The following BIRC6 variants were observed in gnomAD, a reference collection of about 807,000 sequenced individuals.
The protein encoded by BIRC6 is dual E2 ubiquitin-conjugating enzyme/E3 ubiquitin-protein ligase BIRC6.
A neutral mutation model predicts 503.3 loss-of-function variants in BIRC6; 98 were observed. The observed-to-expected ratio is 0.19, with a 90% CI of 0.17 to 0.23. BIRC6 has a LOEUF of 0.23. Ranked by LOEUF, BIRC6 falls within the 10% of genes least tolerant of loss-of-function variation. The pLI is 1.00. For missense variants in BIRC6, 5,360 were observed against 5,806.0 expected, an observed-to-expected ratio of 0.92 and a Z score of 2.50; for synonymous variants, 2,240 against 2,078.7, an observed-to-expected ratio of 1.08 and a Z score of -2.11.
intron 61 of BIRC6, among the ~76,000 whole-genome samples, chr2:32,536,132 C>T (rs1176720302): frequency 2.2e-4 from 34 of 152,094 alleles, no homozygotes; most frequent in East Asian, 1.2e-3. Flanking sequence ...TCATATCCTT[C>T]GCCCACTTTT....
In BIRC6 at chr2:32,576,814, G is replaced by A. The variant is rs151192893; in HGVS notation, c.13355+1448G>A. ...TTTGATTACATGGGTGAATTATATG[G>A]TGGTGATGGCTCATTGCCAGGCAGT... On this transcript the variant is annotated intron_variant, in intron 66 of 73. Transcript: ENST00000421745. 9.0e-4 allele frequency among the ~76,000 whole-genome samples: 137 copies of A among 152,272 alleles called. 1 individual carries two copies. The highest frequency in any genetic ancestry group is 3.2e-3 in the African/African-American group (132 of 41,562).
At chr2:32,540,626 C>A (rs1253226235) in intron 61 of BIRC6, among the ~76,000 whole-genome samples, 1 of 151,954 alleles carries the variant, frequency 6.6e-6, no homozygotes, top group African/African-American at 2.4e-5. Flanking sequence ...TATTAATACC[C>A]TAAAACAGTT....
intron 70 of BIRC6, among the ~76,000 whole-genome samples, chr2:32,600,753 A>G (rs573313724): frequency 6.6e-6 from 1 of 152,212 alleles, no homozygotes; most frequent in Admixed American, 6.5e-5. Context: ...CATCATACTT[A>G]CCGATGTGTT....
chr2:32,444,688 AAAC>A (rs950663211), intron 20 of BIRC6, among the ~76,000 whole-genome samples: 1 of 152,204 alleles, frequency 6.6e-6, no homozygotes, highest in African/African-American at 2.4e-5. Flanking sequence ...GAGTTTAAAA[AAAC>A]AACCCATTCA....
At chr2:32,569,568 TA>T (rs2059781940) in intron 65 of BIRC6, among the ~76,000 whole-genome samples, 1 of 151,932 alleles carries the variant, frequency 6.6e-6, no homozygotes, top group Non-Finnish European at 1.5e-5. Flanking sequence ...GATAAGGTCT[TA>T]CTATGTTGTT....
intron 66 of BIRC6, among the ~76,000 whole-genome samples, chr2:32,586,279 A>G (rs1051941290): frequency 3.0e-4 from 46 of 151,844 alleles, no homozygotes; most frequent in African/African-American, 1.0e-3. Flanking sequence ...AAAAAAAATT[A>G]TAAATTGACT....
intron 1 of BIRC6, among the ~76,000 whole-genome samples, chr2:32,358,395 C>G (rs1430860721): frequency 6.6e-6 from 1 of 152,112 alleles, no homozygotes; most frequent in Non-Finnish European, 1.5e-5. Flanking sequence ...GGTGTATGCT[C>G]AGTGGACGGA....
intron 3 of BIRC6, among the ~76,000 whole-genome samples, chr2:32,384,850 T>C (rs1183324615): frequency 2.6e-5 from 4 of 152,222 alleles, no homozygotes; most frequent in Non-Finnish European, 5.9e-5. Context: ...GTATAACTTC[T>C]CCCATTTCTT....
At position 32,571,378 on chromosome 2, in the gene BIRC6, CTTTTTTTT is replaced by C. The variant is rs61599835; in HGVS notation, c.13145-3761_13145-3754del. 6.4e-4 allele frequency among the ~76,000 whole-genome samples: 13 copies of C among 20,310 alleles called. 1 individual carries two copies. The highest frequency in any genetic ancestry group is 6.5e-3 in the South Asian group (2 of 308). 13.3% of individuals were successfully genotyped at this position (20,310 alleles called of 152,430 possible). A position where few individuals can be genotyped will look rare whatever the true frequency, so the allele number is the denominator to read the frequency against. On this transcript the variant is annotated intron_variant, in intron 65 of 73. Coordinates refer to ENST00000421745, the MANE Select transcript of BIRC6 (RefSeq NM_016252.4). ...GGCTGTGAATTCATGTGGTCCTGGGCTTTTTTTTTTTTTTTTTTTTTTTTGTTGGGAGA... is the reference window on the plus strand; with the variant it reads ...GGCTGTGAATTCATGTGGTCCTGGGCTTTTTTTTTTTTTTTTGTTGGGAGA...
At chr2:32,552,405 A>G (rs1330594965) in intron 65 of BIRC6, among the ~76,000 whole-genome samples, 4 of 152,220 alleles carry the variant, frequency 2.6e-5, no homozygotes, top group Admixed American at 6.5e-5. Flanking sequence ...AACATATTAA[A>G]TGATAATACT....
chr2:32,447,510 G>A (rs1236808856), intron 21 of BIRC6, among the ~76,000 whole-genome samples: 11 of 134,056 alleles, frequency 8.2e-5, no homozygotes, highest in African/African-American at 3.2e-4. Context: ...CGGACGGGGC[G>A]GCTGGCCGGG....
rs768076915 is a variant in BIRC6, at chr2:32,406,694, A to G, written c.1477+137A>G. 30 of 560,768 alleles carry G rather than the reference A, an allele frequency of 5.3e-5. 1 individual carries two copies. Among genetic ancestry groups the G allele is most frequent in the Non-Finnish European group, 2.2e-5 (7 of 317,638 alleles). The allele number at this position is 560,768 out of a possible 1,614,324, so 34.7% of individuals were successfully genotyped here. On this transcript the variant is annotated intron_variant, in intron 9 of 73. Coordinates refer to ENST00000421745, the MANE Select transcript of BIRC6 (RefSeq NM_016252.4). ...GCTAGTATACACAGAAGACTGAAAT[A>G]TTGTGTGTCAGAGATCTCAAATTAG...
At chr2:32,489,859 C>T (rs2051476711) in intron 42 of BIRC6, among the ~76,000 whole-genome samples, 182 bp from the exon 43 acceptor site, 2 of 152,250 alleles carry the variant, frequency 1.3e-5, no homozygotes, top group Admixed American at 1.3e-4. Flanking sequence ...TAAAATGTTA[C>T]TGATTCTTAA....
intron 46 of BIRC6, 50 bp from the exon 47 acceptor site, chr2:32,501,663 G>A (rs1310648184): frequency 3.4e-6 from 5 of 1,492,282 alleles, no homozygotes; most frequent in African/African-American, 1.4e-5. Flanking sequence ...GAGCCACTGC[G>A]CCTGGCTGGA....
intron 65 of BIRC6, chr2:32,563,936 A>C (rs775694962): frequency 2.0e-5 from 3 of 152,058 alleles, no homozygotes; most frequent in Non-Finnish European, 2.9e-5. Context: ...AAATGAGCCG[A>C]GTGTGGTGGT....
chr2:32,484,820 G>C (rs1484935603), intron 39 of BIRC6, among the ~76,000 whole-genome samples: 1 of 152,144 alleles, frequency 6.6e-6, no homozygotes, highest in East Asian at 1.9e-4. Flanking sequence ...ACAGCATGCT[G>C]TACCACACCT....
rs1166383796 is a variant in BIRC6, at chr2:32,511,476, AT to A, written c.10346+869del. On this transcript the variant is annotated intron_variant, in intron 53 of 73. Transcript: ENST00000421745. ...AGGCGACCACCACTATAACTGACTAATTTTTTTTTTTTTTTTTTTTTTTTTT... is the reference window on the plus strand; with the variant it reads ...AGGCGACCACCACTATAACTGACTAATTTTTTTTTTTTTTTTTTTTTTTTT... Among the ~76,000 whole-genome samples the A allele has an allele frequency of 6.6e-3, 527 of 80,130 alleles. 3 individuals are homozygous for A. Among genetic ancestry groups the A allele is most frequent in the Middle Eastern group, 7.9e-3 (1 of 126 alleles). The allele number at this position is 80,130 out of a possible 152,430, so 52.6% of individuals were successfully genotyped here. A position where few individuals can be genotyped will look rare whatever the true frequency, so the allele number is the denominator to read the frequency against.
At chr2:32,567,824 G>A (rs527676259) in intron 65 of BIRC6, among the ~76,000 whole-genome samples, 8 of 152,244 alleles carry the variant, frequency 5.3e-5, no homozygotes, top group Admixed American at 3.3e-4. Flanking sequence ...GAAGGAGGCC[G>A]GGTGTGGTGG....
chr2:32,404,608 C>G (rs1405930883), intron 8 of BIRC6, among the ~76,000 whole-genome samples: 1 of 152,106 alleles, frequency 6.6e-6, no homozygotes, highest in Non-Finnish European at 1.5e-5. Context: ...GCCACTGCAT[C>G]TGGCCTTAGC....
Sources: gnomAD v4.1 joint callset for allele counts (sites outside exome capture counted in the v4.1 genomes callset) on GRCh38, gnomAD v4.1.1 for gene constraint, MANE v1.5 for transcripts, NCBI Gene and HGNC (gene_info 2026-07-23, HGNC 2026-07-21) for gene names.